The following GPC6 variants were observed in gnomAD, a reference collection of about 807,000 sequenced individuals.
The protein encoded by GPC6 is glypican-6.
GPC6 carries 14 observed loss-of-function variants against 55.2 expected under a neutral mutation model. That is an observed-to-expected ratio of 0.25 (90% CI 0.17 to 0.40). The LOEUF is 0.40. Ranked by LOEUF, GPC6 falls within the 10% of genes least tolerant of loss-of-function variation. The pLI, the probability that GPC6 is intolerant of heterozygous loss-of-function variation, is 1.00. For missense variants in GPC6, 641 were observed against 708.5 expected, an observed-to-expected ratio of 0.90 and a Z score of 1.08; for synonymous variants, 278 against 259.6, an observed-to-expected ratio of 1.07 and a Z score of -0.68.
At chr13:93,529,097 A>G (rs1777844291) in intron 1 of GPC6, among the ~76,000 whole-genome samples, 1 of 152,132 alleles carries the variant, frequency 6.6e-6, no homozygotes, top group South Asian at 2.1e-4. Context: ...TAAGACATAT[A>G]TATTGCATCC....
intron 2 of GPC6, among the ~76,000 whole-genome samples, chr13:93,724,970 G>T (rs1340524350): frequency 6.6e-6 from 1 of 151,908 alleles, no homozygotes; most frequent in African/African-American, 2.4e-5. Flanking sequence ...TTGTATCTCT[G>T]TGAAACCTAA....
At chr13:93,836,591 G>A (rs2389052) in intron 3 of GPC6, among the ~76,000 whole-genome samples, 7,844 of 152,138 alleles carry the variant, frequency 0.052, 434 homozygotes, top group East Asian at 0.17. Flanking sequence ...ACAGTGTTAT[G>A]AATAATTGGC....
At chr13:93,418,362 T>C (rs1008796548) in intron 1 of GPC6, among the ~76,000 whole-genome samples, 15 of 151,348 alleles carry the variant, frequency 9.9e-5, no homozygotes, top group African/African-American at 3.6e-4. Context: ...TTAATAATGC[T>C]ATACCATAGT....
intron 2 of GPC6, among the ~76,000 whole-genome samples, chr13:93,595,808 C>A (rs1244515180): frequency 1.3e-5 from 2 of 152,126 alleles, no homozygotes; most frequent in Non-Finnish European, 2.9e-5. Context: ...TAAGTGACAT[C>A]ACATATCTAT....
intron 4 of GPC6, among the ~76,000 whole-genome samples, chr13:94,155,380 G>A (rs1328821): frequency 0.28 from 42,553 of 152,000 alleles, 6,472 homozygotes; most frequent in African/African-American, 0.4. Context: ...GTTTTACCAT[G>A]TAAATATCTC....
intron 1 of GPC6, among the ~76,000 whole-genome samples, chr13:93,531,063 G>C (rs1169445998): frequency 6.6e-6 from 1 of 152,072 alleles, no homozygotes; most frequent in East Asian, 1.9e-4. Context: ...AATATGCAAA[G>C]GTCCTAAACG....
chr13:94,234,600 A>AT (rs750456011), intron 4 of GPC6, among the ~76,000 whole-genome samples: 26 of 151,446 alleles, frequency 1.7e-4, no homozygotes, highest in Admixed American at 4.6e-4. Flanking sequence ...ATGTCCAGAT[A>AT]GTTAGATCTC....
intron 4 of GPC6, among the ~76,000 whole-genome samples, chr13:94,118,023 AG>A (rs1459415037): frequency 3.0e-4 from 46 of 152,116 alleles, no homozygotes; most frequent in African/African-American, 1.1e-3. Context: ...TCCATGTAAA[AG>A]GAAGATTTTA....
intron 2 of GPC6, among the ~76,000 whole-genome samples, chr13:93,762,737 T>C (rs764542300): frequency 6.6e-6 from 1 of 152,230 alleles, no homozygotes; most frequent in African/African-American, 2.4e-5. Flanking sequence ...ATCTATACTA[T>C]TGTTCTAAGT....
At position 93,731,442 on chromosome 13, in the gene GPC6, C is replaced by T. The variant is rs573261322; in HGVS notation, c.320-98712C>T. Among the ~76,000 whole-genome samples the T allele has an allele frequency of 3.9e-5, 6 of 152,300 alleles. No individual in the cohort carries two copies. The East Asian group carries it at 9.7e-4, about 25-fold the overall frequency. On this transcript the variant is annotated intron_variant, in intron 2 of 8. Coordinates refer to ENST00000377047, the MANE Select transcript of GPC6 (RefSeq NM_005708.5). ...GAATGGAAGGACGGTTGTCATGGAA[C>T]ATTCCAGACTGCTGGAAATTAGCTT...
intron 3 of GPC6, among the ~76,000 whole-genome samples, chr13:93,835,152 A>G (rs1887683802): frequency 2.6e-5 from 4 of 152,226 alleles, no homozygotes; most frequent in Non-Finnish European, 5.9e-5. Flanking sequence ...CTAAGAAGAC[A>G]TGACTTTAAA....
chr13:93,743,984 G>T (rs6492675), intron 2 of GPC6, among the ~76,000 whole-genome samples: 146,033 of 152,294 alleles, frequency 0.96, 70,062 homozygotes, highest in African/African-American at 0.99. Context: ...ATAAAATACA[G>T]TTCTAATTTT....
intron 2 of GPC6, among the ~76,000 whole-genome samples, chr13:93,572,462 G>A (rs772469332): frequency 1.1e-4 from 17 of 152,094 alleles, no homozygotes; most frequent in Non-Finnish European, 2.4e-4. Flanking sequence ...AGAAGTACCT[G>A]TTCTTGGGCC....
intron 1 of GPC6, among the ~76,000 whole-genome samples, chr13:93,458,364 A>T (rs536490491): frequency 7.2e-4 from 109 of 152,212 alleles, no homozygotes; most frequent in African/African-American, 2.5e-3. Context: ...CATTTATCAC[A>T]CAGCCATTTT....
Position 93,820,960 on chromosome 13 carries a change from T to G in GPC6, c.320-9194T>G, listed in dbSNP as rs140842440. On this transcript the variant is annotated intron_variant, in intron 2 of 8. Transcript: ENST00000377047. ...GAAAATACTGAAAGAAAAGGAACTT[T>G]TATTCTACTGTTTATGAGAGAGTTG... Among the ~76,000 whole-genome samples, 2 of 152,284 alleles carry G rather than the reference T, an allele frequency of 1.3e-5. 1 individual carries two copies. The highest frequency in any genetic ancestry group is 1.3e-4 in the Admixed American group (2 of 15,286).
intron 1 of GPC6, among the ~76,000 whole-genome samples, chr13:93,431,812 T>C (rs762738753): frequency 6.6e-6 from 1 of 152,162 alleles, no homozygotes; most frequent in Non-Finnish European, 1.5e-5. Flanking sequence ...ATTAAACTAT[T>C]TATCCCAGTG....
At chr13:94,174,649 G>T (rs1888684149) in intron 4 of GPC6, among the ~76,000 whole-genome samples, 1 of 152,132 alleles carries the variant, frequency 6.6e-6, no homozygotes, top group African/African-American at 2.4e-5. Context: ...TTTAGCAAAA[G>T]TTTGTGCTAT....
chr13:94,312,172 A>C (rs1394472184), intron 6 of GPC6, among the ~76,000 whole-genome samples: 1 of 152,206 alleles, frequency 6.6e-6, no homozygotes, highest in African/African-American at 2.4e-5. Context: ...CAAACAAACA[A>C]CACAAAAACC....
At chr13:93,783,563 G>A (rs1003013013) in intron 2 of GPC6, among the ~76,000 whole-genome samples, 1 of 138,650 alleles carries the variant, frequency 7.2e-6, no homozygotes, top group Non-Finnish European at 1.5e-5. Context: ...GTGGTTTTGA[G>A]ATCTATCTAT....
Sources: allele counts gnomAD v4.1 joint callset (sites outside exome capture counted in the v4.1 genomes callset), GRCh38; gene constraint gnomAD v4.1.1; transcripts MANE v1.5; gene names NCBI Gene and HGNC (gene_info 2026-07-23, HGNC 2026-07-21).